The following ALK variants were observed in gnomAD, a reference collection of about 807,000 sequenced individuals.
ALK encodes ALK tyrosine kinase receptor.
In ALK, 74 loss-of-function variants were observed where a neutral mutation model predicts 163.1. The observed-to-expected ratio is 0.45, with a 90% CI of 0.38 to 0.55. The LOEUF is 0.55. Ranked by LOEUF, ALK falls within the 20% of genes least tolerant of loss-of-function variation. ALK has a pLI of 0.00. For missense variants in ALK, 2,063 were observed against 2,105.3 expected, an observed-to-expected ratio of 0.98 and a Z score of 0.39; for synonymous variants, 960 against 843.2, an observed-to-expected ratio of 1.14 and a Z score of -2.40.
intron 5 of ALK, among the ~76,000 whole-genome samples, chr2:29,341,211 G>T (rs1266388539): frequency 6.6e-6 from 1 of 152,182 alleles, no homozygotes; most frequent in African/African-American, 2.4e-5. Flanking sequence ...GCTGGCATTT[G>T]TTCACATAAA....
chr2:29,282,843 G>A (rs1665750434), intron 9 of ALK, among the ~76,000 whole-genome samples: 2 of 151,972 alleles, frequency 1.3e-5, no homozygotes, highest in African/African-American at 2.4e-5. Context: ...ACTTTCGGGG[G>A]CTCAGCCTAA....
At chr2:29,734,627 ATCTC>A (rs1289042473) in intron 1 of ALK, among the ~76,000 whole-genome samples, 1 of 151,932 alleles carries the variant, frequency 6.6e-6, no homozygotes, top group Non-Finnish European at 1.5e-5. Context: ...ATAGATCCTG[ATCTC>A]TCTTTCTCCC....
chr2:29,667,364 G>C (rs1677544368), intron 3 of ALK, among the ~76,000 whole-genome samples: 1 of 151,984 alleles, frequency 6.6e-6, no homozygotes, highest in Admixed American at 6.6e-5. Flanking sequence ...AAATAAAACT[G>C]GTGAAACTGG....
intron 4 of ALK, among the ~76,000 whole-genome samples, chr2:29,452,381 G>A (rs369341593): frequency 5.3e-4 from 78 of 147,568 alleles, no homozygotes; most frequent in East Asian, 6.0e-4. Context: ...TAAATGTCCC[G>A]TCTTTAGAGA....
intron 1 of ALK, among the ~76,000 whole-genome samples, chr2:29,813,226 T>C (rs56022212): frequency 0.093 from 14,085 of 152,252 alleles, 833 homozygotes; most frequent in South Asian, 0.18. Flanking sequence ...TGAGCCCATC[T>C]ACTAGAGGTT....
chr2:29,751,378 T>G (rs1680362550), intron 1 of ALK, among the ~76,000 whole-genome samples: 1 of 152,198 alleles, frequency 6.6e-6, no homozygotes, highest in Non-Finnish European at 1.5e-5. Flanking sequence ...TCAGCTTCCT[T>G]ATAAAGCTTA....
chr2:29,212,226 G>A (rs922403421), intron 24 of ALK, among the ~76,000 whole-genome samples: 1 of 152,216 alleles, frequency 6.6e-6, no homozygotes, highest in Admixed American at 6.5e-5. Context: ...GGACAAAGAT[G>A]GAAAGATGAC....
chr2:29,904,807 A>C (rs889226570), intron 1 of ALK, among the ~76,000 whole-genome samples: 1 of 152,218 alleles, frequency 6.6e-6, no homozygotes, highest in Non-Finnish European at 1.5e-5. Flanking sequence ...ACGAATGTTC[A>C]GAGTTCTTTA....
intron 3 of ALK, among the ~76,000 whole-genome samples, chr2:29,677,610 C>T (rs1677924570): frequency 6.6e-6 from 1 of 152,002 alleles, no homozygotes. Flanking sequence ...ATTAAACCAA[C>T]CTTGCAATCC....
At chr2:29,510,146 G>A (rs929180822) in intron 4 of ALK, among the ~76,000 whole-genome samples, 1 of 152,148 alleles carries the variant, frequency 6.6e-6, no homozygotes, top group Non-Finnish European at 1.5e-5. Flanking sequence ...AGGCTGCTGG[G>A]TAAGCAGAGA....
At position 29,227,188 on chromosome 2, in the gene ALK, G is replaced by T; in HGVS notation, c.2915-114C>A. 7.3e-7 allele frequency: 1 copy of T among 1,368,530 alleles called. No individual in the cohort carries two copies. The allele number at this position is 1,368,530 out of a possible 1,614,324, so 84.8% of individuals were successfully genotyped here. A position where few individuals can be genotyped will look rare whatever the true frequency, so the allele number is the denominator to read the frequency against. ...GTGCTCTGGTGGTCCCTGTTCCTAGGTCCCATAGCCACTGGAAGCACAACT... is the reference window on the plus strand; with the variant it reads ...GTGCTCTGGTGGTCCCTGTTCCTAGTTCCCATAGCCACTGGAAGCACAACT... On this transcript the variant is annotated intron_variant, in intron 17 of 28. Transcript: ENST00000389048. This position sits in a 1 kb window ranked among gnomAD's most constrained non-coding sequence, Gnocchi z 4.4.
intron 1 of ALK, among the ~76,000 whole-genome samples, chr2:29,783,551 G>C (rs1182370055): frequency 6.6e-6 from 1 of 152,146 alleles, no homozygotes; most frequent in Non-Finnish European, 1.5e-5. Flanking sequence ...CATGCTGAGT[G>C]ACTGTAAATT....
At chr2:29,470,185 T>C (rs56072022) in intron 4 of ALK, among the ~76,000 whole-genome samples, 40,904 of 151,702 alleles carry the variant, frequency 0.27, 6,225 homozygotes, top group Non-Finnish European at 0.35. Context: ...AATGCCCTGA[T>C]TGAATAATAG....
intron 5 of ALK, among the ~76,000 whole-genome samples, chr2:29,352,951 G>C (rs1668156392): frequency 6.6e-6 from 1 of 152,232 alleles, no homozygotes; most frequent in Admixed American, 6.5e-5. Flanking sequence ...AACTCAGTTT[G>C]TAGTTTAACT....
chr2:29,209,434 C>T (rs1047543426), intron 25 of ALK, among the ~76,000 whole-genome samples: 9 of 150,730 alleles, frequency 6.0e-5, no homozygotes, highest in South Asian at 2.1e-4. Flanking sequence ...CCCAGCTACT[C>T]GAGAAGCTGA....
chr2:29,494,843 C>CGT (rs35306598), intron 4 of ALK, among the ~76,000 whole-genome samples: 21,807 of 147,134 alleles, frequency 0.15, 1,720 homozygotes, highest in East Asian at 0.28. Context: ...TTTAGAGACT[C>CGT]GTGTGTGTGT....
intron 3 of ALK, among the ~76,000 whole-genome samples, chr2:29,644,182 G>T (rs2148248037): frequency 6.8e-6 from 1 of 148,102 alleles, no homozygotes; most frequent in South Asian, 2.2e-4. Context: ...CTCACTCATA[G>T]GTGGGAATTG....
chr2:29,664,253 A>C (rs548642969), intron 3 of ALK, among the ~76,000 whole-genome samples: 15 of 152,154 alleles, frequency 9.9e-5, no homozygotes, highest in Non-Finnish European at 1.8e-4. Context: ...CTGCTTAAGA[A>C]ATTTTTCATG....
Position 29,912,530 on chromosome 2 carries a change from C to CA in ALK, c.667+7462dup, listed in dbSNP as rs550798025. Among the ~76,000 whole-genome samples the CA allele has an allele frequency of 1.8e-4, 28 of 151,422 alleles. No individual in the cohort carries two copies. The East Asian group carries it at 4.3e-3, about 23-fold the overall frequency. ...CAATAGTCTTATTCTAATGGAAATG[C>CA]AAAAAAAGACCTCTTTAGGCTGAAG... On this transcript the variant is annotated intron_variant, in intron 1 of 28. Transcript: ENST00000389048.
Sources: gnomAD v4.1 joint callset for allele counts (sites outside exome capture counted in the v4.1 genomes callset) on GRCh38, gnomAD v4.1.1 for gene constraint, Gnocchi (gnomAD v3.1) non-coding constraint, MANE v1.5 for transcripts, NCBI Gene and HGNC (gene_info 2026-07-23, HGNC 2026-07-21) for gene names.